DTNA: variants seen among roughly 807,000 people sequenced by gnomAD.
DTNA encodes the protein dystrophin-related protein 3.
Under a neutral mutation model 100.7 loss-of-function variants are expected in DTNA, and 43 were observed. The ratio of observed to expected loss-of-function variants is 0.43; its 90% CI spans 0.33 to 0.55. The LOEUF is 0.55. Ranked by LOEUF, DTNA falls within the 20% of genes least tolerant of loss-of-function variation. The pLI is 0.04. For synonymous variants in DTNA, 349 were observed against 347.9 expected (o/e 1.00, Z -0.04); for missense variants, 798 against 953.9 (o/e 0.84, Z 2.15).
intron 13 of DTNA, among the ~76,000 whole-genome samples, chr18:34,841,919 C>T (rs1324158539): frequency 6.6e-6 from 1 of 152,194 alleles, no homozygotes; most frequent in African/African-American, 2.4e-5. Context: ...GCTAAAGAAA[C>T]ACTTATGTCA....
intron 1 of DTNA, among the ~76,000 whole-genome samples, chr18:34,729,161 TATTC>T (rs1319743628): frequency 5.3e-5 from 8 of 152,358 alleles, no homozygotes; most frequent in East Asian, 1.9e-4. Flanking sequence ...AAAATCATCT[TATTC>T]AGTCAGTCCT....
At chr18:34,704,230 C>G (rs2081824118) in intron 1 of DTNA, among the ~76,000 whole-genome samples, 1 of 152,178 alleles carries the variant, frequency 6.6e-6, no homozygotes, top group African/African-American at 2.4e-5. Flanking sequence ...CCCTTGCCCA[C>G]TGACTACATA....
chr18:34,565,216 C>T (rs1164764726), intron 1 of DTNA, among the ~76,000 whole-genome samples: 1 of 152,182 alleles, frequency 6.6e-6, no homozygotes, highest in African/African-American at 2.4e-5. Flanking sequence ...GCCAGTAAAA[C>T]AAACATACAA....
At chr18:34,747,503 TCTC>T (rs2091789569) in intron 1 of DTNA, among the ~76,000 whole-genome samples, 1 of 152,024 alleles carries the variant, frequency 6.6e-6, no homozygotes, top group South Asian at 2.1e-4. Flanking sequence ...CTACCATCCT[TCTC>T]CTCTGAGTCC....
chr18:34,875,147 T>C (rs1366401444), intron 17 of DTNA, 92 bp from the exon 18 acceptor site: 9 of 1,539,678 alleles, frequency 5.8e-6, no homozygotes, highest in African/African-American at 1.4e-5. Context: ...GAAATTTCAT[T>C]GTCACTGTTT....
At chr18:34,626,574 C>T (rs1014725202) in intron 1 of DTNA, among the ~76,000 whole-genome samples, 4 of 152,136 alleles carry the variant, frequency 2.6e-5, no homozygotes, top group African/African-American at 4.8e-5. Context: ...AAGAGGCAGA[C>T]GCAACAGGTT....
intron 1 of DTNA, among the ~76,000 whole-genome samples, chr18:34,555,900 G>A (rs1254368911): frequency 6.6e-6 from 1 of 152,028 alleles, no homozygotes; most frequent in African/African-American, 2.4e-5. Flanking sequence ...TTGGTGCAGA[G>A]CTGAGTTCAA....
In DTNA at chr18:34,888,184, C is replaced by G; in HGVS notation, c.*450C>G. 1.0e-6 allele frequency: 1 copy of G among 985,808 alleles called. No individual in the cohort carries two copies. The highest frequency in any genetic ancestry group is 1.2e-6 in the Non-Finnish European group (1 of 829,908). The allele number at this position is 985,808 out of a possible 1,614,324, so 61.1% of individuals were successfully genotyped here. A position where few individuals can be genotyped will look rare whatever the true frequency, so the allele number is the denominator to read the frequency against. Reference sequence around the variant, plus strand: ...ATTGAACCTGTTCAGTTTACAATGACAATATTAATACTGTTTATAGCTAGA... The same window carrying G: ...ATTGAACCTGTTCAGTTTACAATGAGAATATTAATACTGTTTATAGCTAGA... On this transcript the variant is annotated 3_prime_UTR_variant, in exon 23 of 23. Transcript: ENST00000444659.
At chr18:34,819,957 T>C (rs2095671167) in intron 8 of DTNA, among the ~76,000 whole-genome samples, 1 of 148,860 alleles carries the variant, frequency 6.7e-6, no homozygotes, top group South Asian at 2.2e-4. Context: ...ATTATTATGT[T>C]GGTGCAAAAG....
At chr18:34,862,154 A>AAGAGAC (rs2096637962) in intron 16 of DTNA, among the ~76,000 whole-genome samples, 1 of 151,626 alleles carries the variant, frequency 6.6e-6, no homozygotes, top group Non-Finnish European at 1.5e-5. Flanking sequence ...GAGAAAGAGA[A>AAGAGAC]AGAACACCTC....
chr18:34,869,786 C>T (rs950633518), intron 17 of DTNA, among the ~76,000 whole-genome samples: 1 of 152,202 alleles, frequency 6.6e-6, no homozygotes, highest in African/African-American at 2.4e-5. Context: ...CTTTGGGAGG[C>T]CGAGGCAGGC....
chr18:34,766,530 G>C (rs1299867161), intron 3 of DTNA, among the ~76,000 whole-genome samples: 1 of 151,948 alleles, frequency 6.6e-6, no homozygotes, highest in Non-Finnish European at 1.5e-5. Flanking sequence ...TTGTGGTGTG[G>C]GAGGAAGGGG....
chr18:34,622,353 C>T (rs1294389164), intron 1 of DTNA, among the ~76,000 whole-genome samples: 1 of 152,124 alleles, frequency 6.6e-6, no homozygotes, highest in Non-Finnish European at 1.5e-5. Context: ...GTGTGATTTA[C>T]CATCAAAAGA....
intron 1 of DTNA, among the ~76,000 whole-genome samples, chr18:34,562,378 A>G (rs1319700987): frequency 6.6e-6 from 1 of 152,236 alleles, no homozygotes; most frequent in South Asian, 2.1e-4. Context: ...TTGAGTATGA[A>G]CTATAGTTCT....
chr18:34,830,539 C>T (rs1168239357), intron 11 of DTNA, among the ~76,000 whole-genome samples: 2 of 152,096 alleles, frequency 1.3e-5, no homozygotes, highest in Admixed American at 6.6e-5. Flanking sequence ...CTCTGGTTAC[C>T]AGCATCATCT....
intron 11 of DTNA, among the ~76,000 whole-genome samples, chr18:34,830,932 A>G (rs2149596026): frequency 6.6e-6 from 1 of 152,250 alleles, no homozygotes; most frequent in African/African-American, 2.4e-5. Flanking sequence ...AACATTATCT[A>G]AGCTTATGAA....
chr18:34,684,213 C>G (rs1438082350), intron 1 of DTNA, among the ~76,000 whole-genome samples: 1 of 152,084 alleles, frequency 6.6e-6, no homozygotes, highest in Non-Finnish European at 1.5e-5. Context: ...GTTTGCTACA[C>G]AGGCATACAG....
chr18:34,615,833 A>G (rs975481045), intron 1 of DTNA, among the ~76,000 whole-genome samples: 3 of 152,178 alleles, frequency 2.0e-5, no homozygotes, highest in Non-Finnish European at 1.5e-5. Context: ...AAGTGAGAAC[A>G]TGAAATGTTT....
At chr18:34,868,081 C>T (rs1022519642) in intron 17 of DTNA, 2 of 886,848 alleles carry the variant, frequency 2.3e-6, no homozygotes, top group Non-Finnish European at 2.7e-6. Flanking sequence ...AAATCAAAAA[C>T]TAAAGAAAAT....
Sources: gnomAD v4.1 joint callset for allele counts (sites outside exome capture counted in the v4.1 genomes callset) on GRCh38, gnomAD v4.1.1 for gene constraint, MANE v1.5 for transcripts, NCBI Gene and HGNC (gene_info 2026-07-23, HGNC 2026-07-21) for gene names.